Variants in KCNIP1 observed in about 807,000 individuals in gnomAD.
KCNIP1 encodes the protein A-type potassium channel modulatory protein KCNIP1.
A neutral mutation model predicts 33.0 loss-of-function variants in KCNIP1; 18 were observed. That is an observed-to-expected ratio of 0.55 (90% CI 0.38 to 0.81). The LOEUF (loss-of-function observed/expected upper bound fraction) is 0.81, where lower values mean the gene tolerates loss of function less well. KCNIP1 is among the 30% of genes least tolerant of loss of function. The pLI is 0.00. For synonymous variants in KCNIP1, 93 were observed against 98.3 expected, an observed-to-expected ratio of 0.95 and a Z score of 0.32; for missense variants, 238 against 271.6, an observed-to-expected ratio of 0.88 and a Z score of 0.87.
chr5:170,653,946 G>GA (rs976840254), intron 1 of KCNIP1, among the ~76,000 whole-genome samples: 13 of 151,928 alleles, frequency 8.6e-5, no homozygotes, highest in African/African-American at 2.9e-4. Context: ...ACATTTCCTA[G>GA]AAAAAAGGGT....
chr5:170,467,917 C>CAAAAAAAA, intron 1 of KCNIP1, among the ~76,000 whole-genome samples: 1 of 41,954 alleles, frequency 2.4e-5, no homozygotes, highest in South Asian at 8.3e-4. Context: ...GATTCCATCT[C>CAAAAAAAA]AAAAAAAAAA....
chr5:170,515,916 G>A (rs1755102351), intron 1 of KCNIP1, among the ~76,000 whole-genome samples: 1 of 152,212 alleles, frequency 6.6e-6, no homozygotes, highest in Admixed American at 6.5e-5. Context: ...GCTAGGGGTT[G>A]GCCCAGGCAA....
intron 1 of KCNIP1, among the ~76,000 whole-genome samples, chr5:170,545,110 GTCTT>G (rs1226978891): frequency 6.6e-6 from 1 of 152,118 alleles, no homozygotes; most frequent in African/African-American, 2.4e-5. Context: ...GTCTGAAAAT[GTCTT>G]TATTTTGTTT....
Position 170,625,234 on chromosome 5 carries a change from G to T in KCNIP1, c.62-93524G>T, listed in dbSNP as rs1759775321. Among the ~76,000 whole-genome samples the T allele has an allele frequency of 2.0e-5, 3 of 152,096 alleles. No individual in the cohort carries two copies. In the South Asian group the frequency reaches 6.2e-4, roughly 32 times the overall value. Reference sequence around the variant, plus strand: ...AGTCACAAACCCTTGTGCTCCCACAGGGCACACGTGTGCACACGTGTGCAG... The same window carrying T: ...AGTCACAAACCCTTGTGCTCCCACATGGCACACGTGTGCACACGTGTGCAG... On this transcript the variant is annotated intron_variant, in intron 1 of 7. Coordinates refer to ENST00000328939, the MANE Select transcript of KCNIP1 (RefSeq NM_014592.4).
At chr5:170,483,508 A>G (rs1757021222) in intron 1 of KCNIP1, among the ~76,000 whole-genome samples, 2 of 152,200 alleles carry the variant, frequency 1.3e-5, no homozygotes, top group African/African-American at 4.8e-5. Context: ...GAGAGTACCA[A>G]TCACTCCATA....
At chr5:170,722,952 C>T in intron 5 of KCNIP1, 132 bp downstream of exon 5, 1 of 618,732 alleles carries the variant, frequency 1.6e-6, no homozygotes, top group Non-Finnish European at 2.9e-6. Context: ...CAGAGCTGGT[C>T]CCTGGCAAAA....
intron 1 of KCNIP1, among the ~76,000 whole-genome samples, chr5:170,659,853 C>T (rs1248067082): frequency 1.3e-5 from 2 of 152,180 alleles, no homozygotes; most frequent in African/African-American, 4.8e-5. Flanking sequence ...GCTTCTGTGT[C>T]CTCAGATCTC....
chr5:170,629,960 G>A (rs935762316), intron 1 of KCNIP1, among the ~76,000 whole-genome samples: 9 of 151,884 alleles, frequency 5.9e-5, no homozygotes, highest in East Asian at 1.9e-4. Flanking sequence ...GGGCTGAGGC[G>A]GGCAAGGCAG....
chr5:170,669,544 T>C, intron 1 of KCNIP1: 1 of 985,366 alleles, frequency 1.0e-6, no homozygotes, highest in Non-Finnish European at 1.2e-6. Context: ...GATGGATGGT[T>C]GATGGAAGTA....
At chr5:170,458,061 T>C (rs1375492277) in intron 1 of KCNIP1, among the ~76,000 whole-genome samples, 2 of 152,090 alleles carry the variant, frequency 1.3e-5, no homozygotes, top group African/African-American at 4.8e-5. Flanking sequence ...CTCTGGAAAC[T>C]CTCAGCAATA....
intron 1 of KCNIP1, among the ~76,000 whole-genome samples, chr5:170,646,575 A>G (rs538998230): frequency 6.8e-4 from 104 of 152,178 alleles, no homozygotes; most frequent in Non-Finnish European, 1.0e-3. Flanking sequence ...AAAACAAGGA[A>G]TAGAGGGGAA....
intron 1 of KCNIP1, among the ~76,000 whole-genome samples, chr5:170,474,297 A>T (rs1756802116): frequency 6.6e-6 from 1 of 151,672 alleles, no homozygotes; most frequent in African/African-American, 2.4e-5. Context: ...AACCCAAAGC[A>T]CCCCTATTCC....
intron 1 of KCNIP1, among the ~76,000 whole-genome samples, chr5:170,588,037 C>A (rs1758065466): frequency 6.6e-6 from 1 of 152,180 alleles, no homozygotes; most frequent in African/African-American, 2.4e-5. Context: ...GGGTTAAGGA[C>A]CTGTTACTTT....
chr5:170,402,357 C>T (rs764395865), intron 1 of KCNIP1, among the ~76,000 whole-genome samples: 1 of 152,232 alleles, frequency 6.6e-6, no homozygotes, highest in East Asian at 1.9e-4. Flanking sequence ...GAATTAGCCA[C>T]GATGGACTAA....
At chr5:170,375,268 G>A (rs1763958257) in intron 1 of KCNIP1, 1 of 152,164 alleles carries the variant, frequency 6.6e-6, no homozygotes, top group South Asian at 2.1e-4. Flanking sequence ...TTTCTTAAAA[G>A]ACTCACATGA....
intron 1 of KCNIP1, among the ~76,000 whole-genome samples, chr5:170,513,921 T>G (rs1755030559): frequency 6.6e-6 from 1 of 152,236 alleles, no homozygotes; most frequent in Admixed American, 6.5e-5. Context: ...TTTATTTTTG[T>G]AGGAGTCCTG....
intron 1 of KCNIP1, chr5:170,385,475 G>C: frequency 6.2e-7 from 1 of 1,613,882 alleles, no homozygotes; most frequent in Non-Finnish European, 8.5e-7. Flanking sequence ...ATCATTTCTA[G>C]GTCCACAGAA....
chr5:170,523,718 A>G (rs1409638583), intron 1 of KCNIP1, among the ~76,000 whole-genome samples: 10 of 152,048 alleles, frequency 6.6e-5, no homozygotes, highest in Non-Finnish European at 8.8e-5. Context: ...GATGACACCA[A>G]GTGTCTTTCC....
intron 1 of KCNIP1, among the ~76,000 whole-genome samples, chr5:170,380,959 A>G (rs945626050): frequency 6.6e-6 from 1 of 152,228 alleles, no homozygotes; most frequent in Non-Finnish European, 1.5e-5. Context: ...AGCCCAGCAC[A>G]CGATAAGAAC....
Sources: gnomAD v4.1 joint callset for allele counts (sites outside exome capture counted in the v4.1 genomes callset) on GRCh38, gnomAD v4.1.1 for gene constraint, MANE v1.5 for transcripts, NCBI Gene and HGNC (gene_info 2026-07-23, HGNC 2026-07-21) for gene names.